The following OPCML variants were observed in gnomAD, a reference collection of about 807,000 sequenced individuals.
The protein encoded by OPCML is opioid-binding protein/cell adhesion molecule.
In OPCML, 13 loss-of-function variants were observed where a neutral mutation model predicts 37.8. The observed-to-expected ratio is 0.34, with a 90% confidence interval of 0.22 to 0.55. The LOEUF is 0.55. Ranked by LOEUF, OPCML falls within the 20% of genes least tolerant of loss-of-function variation. The pLI is 0.91. For synonymous variants in OPCML, 176 were observed against 168.8 expected, an observed-to-expected ratio of 1.04 and a Z score of -0.33; for missense variants, 341 against 435.6, an observed-to-expected ratio of 0.78 and a Z score of 1.93.
intron 1 of OPCML, among the ~76,000 whole-genome samples, chr11:133,156,358 C>A (rs1019384740): frequency 6.6e-6 from 1 of 152,236 alleles, no homozygotes; most frequent in African/African-American, 2.4e-5. Flanking sequence ...ATCTAGCCAA[C>A]TCTTCCTCAG....
intron 2 of OPCML, among the ~76,000 whole-genome samples, chr11:132,711,862 C>A (rs1316937198): frequency 6.6e-6 from 1 of 152,170 alleles, no homozygotes; most frequent in Non-Finnish European, 1.5e-5. Flanking sequence ...CAATGTAATT[C>A]TTTCTTAAAA....
chr11:133,029,035 T>C (rs1015247313), intron 1 of OPCML, among the ~76,000 whole-genome samples: 2 of 151,860 alleles, frequency 1.3e-5, no homozygotes, highest in African/African-American at 4.8e-5. Flanking sequence ...GCAAATAACC[T>C]CATTAAAAAA....
At chr11:132,627,080 G>A (rs1335276124) in intron 3 of OPCML, among the ~76,000 whole-genome samples, 1 of 151,992 alleles carries the variant, frequency 6.6e-6, no homozygotes, top group Non-Finnish European at 1.5e-5. Flanking sequence ...AATTAGGAGA[G>A]TATTTTAGTA....
At chr11:133,148,609 A>G (rs1352826608) in intron 1 of OPCML, among the ~76,000 whole-genome samples, 1 of 152,116 alleles carries the variant, frequency 6.6e-6, no homozygotes, top group African/African-American at 2.4e-5. Flanking sequence ...TGCTCGCTCC[A>G]TCCCACCGCC....
chr11:133,484,205 A>C (rs1947479895), intron 1 of OPCML, among the ~76,000 whole-genome samples: 4 of 152,116 alleles, frequency 2.6e-5, no homozygotes. Context: ...TAAGAGCCTA[A>C]AAAGCACACA....
chr11:133,163,557 C>T (rs530036913), intron 1 of OPCML, among the ~76,000 whole-genome samples: 1 of 152,324 alleles, frequency 6.6e-6, no homozygotes, highest in Non-Finnish European at 1.5e-5. Context: ...TGCAATACCT[C>T]TTGAATGAAT....
intron 1 of OPCML, among the ~76,000 whole-genome samples, chr11:133,434,356 TCTGAAGTTAAGTTTAC>T (rs1256416815): frequency 6.6e-6 from 1 of 152,196 alleles, no homozygotes; most frequent in Non-Finnish European, 1.5e-5. Context: ...CCCTGCAGCT[TCTGAAGTTAAGTTTAC>T]CTGTATCTTT....
At chr11:132,757,012 C>A (rs1946073411) in intron 2 of OPCML, among the ~76,000 whole-genome samples, 1 of 152,128 alleles carries the variant, frequency 6.6e-6, no homozygotes, top group South Asian at 2.1e-4. Context: ...CATATGTTCT[C>A]ATTGTTCAAC....
At chr11:133,301,820 G>A (rs527318969) in intron 1 of OPCML, 2 of 151,970 alleles carry the variant, frequency 1.3e-5, no homozygotes, top group African/African-American at 4.8e-5. Flanking sequence ...AGTATGAAGA[G>A]GCATTAAAAA....
At chr11:133,097,216 A>G (rs1949015897) in intron 1 of OPCML, among the ~76,000 whole-genome samples, 1 of 152,222 alleles carries the variant, frequency 6.6e-6, no homozygotes, top group Non-Finnish European at 1.5e-5. Context: ...ATCAAAATGT[A>G]ATTAAACTAG....
At chr11:132,722,768 C>G (rs1400566320) in intron 2 of OPCML, among the ~76,000 whole-genome samples, 3 of 152,132 alleles carry the variant, frequency 2.0e-5, no homozygotes, top group African/African-American at 7.2e-5. Flanking sequence ...TAGAAGAGGT[C>G]AGATCCTAAG....
chr11:132,829,449 G>A (rs953425479), intron 2 of OPCML, among the ~76,000 whole-genome samples: 7 of 152,142 alleles, frequency 4.6e-5, no homozygotes, highest in East Asian at 3.9e-4. Context: ...ATGGAAACGC[G>A]GGCAAGGACC....
At chr11:132,934,910 T>C (rs965822618) in intron 2 of OPCML, among the ~76,000 whole-genome samples, 2 of 152,046 alleles carry the variant, frequency 1.3e-5, no homozygotes, top group Admixed American at 6.5e-5. Context: ...GAGGCCGGGA[T>C]GGGGGGAACA....
rs11828297 is a variant in OPCML, at chr11:132,961,496, C to T, written c.62-18486G>A. On this transcript the variant is annotated intron_variant, in intron 1 of 7. Coordinates refer to ENST00000524381, the MANE Select transcript of OPCML (RefSeq NM_001012393.5). ...GGTGGAAGAGTCAAGCGATGCTATT[C>T]GTAGATGTAGCAAGGAGAAGAAAAG... is the stretch of plus-strand genomic sequence containing the variant. 8.5e-3 allele frequency among the ~76,000 whole-genome samples: 1,295 copies of T among 152,128 alleles called. 16 individuals carry two copies. Among genetic ancestry groups the T allele is most frequent in the African/African-American group, 0.027 (1,139 of 41,524 alleles).
At chr11:132,792,427 GAA>G (rs1303672680) in intron 2 of OPCML, among the ~76,000 whole-genome samples, 1 of 152,088 alleles carries the variant, frequency 6.6e-6, no homozygotes, top group Non-Finnish European at 1.5e-5. Flanking sequence ...TGAATTCTGA[GAA>G]AAAAAGTGTA....
chr11:132,521,679 A>G (rs997725472), intron 4 of OPCML, among the ~76,000 whole-genome samples: 2 of 152,130 alleles, frequency 1.3e-5, no homozygotes, highest in Non-Finnish European at 2.9e-5. Context: ...AACCTAGATG[A>G]TGGGTTGATA....
At chr11:132,632,940 C>A (rs568056691) in intron 3 of OPCML, among the ~76,000 whole-genome samples, 14 of 143,554 alleles carry the variant, frequency 9.8e-5, no homozygotes, top group Non-Finnish European at 2.0e-4. Flanking sequence ...GATGTTCTCA[C>A]CATATTGAAA....
At chr11:133,510,867 C>T (rs1201350448) in intron 1 of OPCML, among the ~76,000 whole-genome samples, 3 of 151,440 alleles carry the variant, frequency 2.0e-5, no homozygotes, top group African/African-American at 7.3e-5. Context: ...CTTTACATGT[C>T]ATTGATATGC....
At position 133,139,265 on chromosome 11, in the gene OPCML, C is replaced by T. The variant is rs73596409; in HGVS notation, c.62-196255G>A. 4.2e-3 allele frequency among the ~76,000 whole-genome samples: 638 copies of T among 152,308 alleles called. 6 individuals carry two copies. The highest frequency in any genetic ancestry group is 0.015 in the African/African-American group (619 of 41,554). On this transcript the variant is annotated intron_variant, in intron 1 of 7. Transcript: ENST00000524381. The stretch of plus-strand genomic sequence containing the variant: ...AAACTACATTAAATACCTCTTTGCA[C>T]AGCAAAACAATAATCGTTGCTAGCA...
Sources: allele counts gnomAD v4.1 joint callset (sites outside exome capture counted in the v4.1 genomes callset), GRCh38; gene constraint gnomAD v4.1.1; transcripts MANE v1.5; gene names NCBI Gene and HGNC (gene_info 2026-07-23, HGNC 2026-07-21).